METTL15: variants seen among roughly 807,000 people sequenced by gnomAD.
METTL15 encodes the protein methyltransferase 15, mitochondrial 12S rRNA N4-cytidine.
METTL15 carries 34 observed loss-of-function variants against 38.3 expected under a neutral mutation model. The observed-to-expected ratio is 0.89, with a 90% confidence interval of 0.68 to 1.18. METTL15 has a LOEUF of 1.18. METTL15 is among the 50% of genes most tolerant of loss of function. The pLI, the probability that METTL15 is intolerant of heterozygous loss-of-function variation, is 0.00. For synonymous variants in METTL15, 162 were observed against 170.9 expected (o/e 0.95, Z 0.41); for missense variants, 438 against 498.4 (o/e 0.88, Z 1.15).
At chr11:28,507,238 C>G (rs1851635770) in intron 6 of METTL15, among the ~76,000 whole-genome samples, 1 of 152,148 alleles carries the variant, frequency 6.6e-6, no homozygotes, top group Non-Finnish European at 1.5e-5. Context: ...GCTGGGAGGT[C>G]TCAGCAAACT....
At chr11:28,155,909 G>T in intron 3 of METTL15, among the ~76,000 whole-genome samples, 1 of 152,254 alleles carries the variant, frequency 6.6e-6, no homozygotes, top group East Asian at 1.9e-4. Flanking sequence ...CAGGAAGCAG[G>T]CTGTCTCTGT....
intron 5 of METTL15, among the ~76,000 whole-genome samples, chr11:28,400,359 T>C (rs1042098956): frequency 4.6e-5 from 7 of 151,954 alleles, no homozygotes; most frequent in Non-Finnish European, 1.0e-4. Context: ...CACTCAAAGT[T>C]ATTAACATGG....
chr11:28,293,490 G>A (rs1459868841), intron 5 of METTL15, among the ~76,000 whole-genome samples: 3 of 152,216 alleles, frequency 2.0e-5, no homozygotes, highest in Non-Finnish European at 4.4e-5. Context: ...CAGGTAGCGT[G>A]ATGCCTCCAG....
chr11:28,499,388 G>A (rs1318277094), intron 6 of METTL15, among the ~76,000 whole-genome samples: 1 of 152,134 alleles, frequency 6.6e-6, no homozygotes, highest in African/African-American at 2.4e-5. Flanking sequence ...GAAGTCCTTT[G>A]TAACTATGCA....
At chr11:28,295,367 T>C (rs1856692972) in intron 5 of METTL15, among the ~76,000 whole-genome samples, 1 of 152,102 alleles carries the variant, frequency 6.6e-6, no homozygotes, top group Non-Finnish European at 1.5e-5. Flanking sequence ...GGACCAGATC[T>C]TCATCCTGAA....
At chr11:28,338,866 T>C (rs1849924842) in intron 3 of METTL15, among the ~76,000 whole-genome samples, 1 of 152,002 alleles carries the variant, frequency 6.6e-6, no homozygotes, top group Non-Finnish European at 1.5e-5. Flanking sequence ...ACAAAATATT[T>C]TTTGTAAGAA....
At chr11:28,138,105 G>A (rs891169746) in intron 3 of METTL15, among the ~76,000 whole-genome samples, 1 of 139,976 alleles carries the variant, frequency 7.1e-6, no homozygotes, top group Non-Finnish European at 1.5e-5. Context: ...GTTCCATGTG[G>A]AAAACAAGGG....
intron 5 of METTL15, among the ~76,000 whole-genome samples, chr11:28,393,634 T>A (rs1850535816): frequency 6.6e-6 from 1 of 152,096 alleles, no homozygotes; most frequent in Non-Finnish European, 1.5e-5. Flanking sequence ...AGAGTTTTCA[T>A]AGCATGGAGA....
chr11:28,147,505 T>C (rs1346409059), intron 3 of METTL15, among the ~76,000 whole-genome samples: 1 of 151,880 alleles, frequency 6.6e-6, no homozygotes, highest in Non-Finnish European at 1.5e-5. Context: ...TTATAGTATG[T>C]AAAATTAATG....
At chr11:28,504,251 T>A (rs1225428758) in intron 6 of METTL15, among the ~76,000 whole-genome samples, 1 of 150,710 alleles carries the variant, frequency 6.6e-6, no homozygotes, top group Non-Finnish European at 1.5e-5. Flanking sequence ...ATTGCATACT[T>A]AAATGTTCAG....
At chr11:28,312,241 TTGAA>T (rs1471761598) in intron 6 of METTL15, among the ~76,000 whole-genome samples, 29 of 152,214 alleles carry the variant, frequency 1.9e-4, no homozygotes, top group African/African-American at 7.0e-4. Context: ...GTTATGATTG[TTGAA>T]TGGAGATTTC....
At chr11:28,304,378 T>A (rs895214986) in intron 6 of METTL15, among the ~76,000 whole-genome samples, 7 of 152,190 alleles carry the variant, frequency 4.6e-5, no homozygotes, top group African/African-American at 1.7e-4. Context: ...TTTTTCAGCA[T>A]CATTTTGTTA....
chr11:28,522,966 T>G (rs1393504846), intron 6 of METTL15, among the ~76,000 whole-genome samples: 1 of 152,250 alleles, frequency 6.6e-6, no homozygotes, highest in Non-Finnish European at 1.5e-5. Context: ...CCAAGAACTT[T>G]GCGAGGTTCA....
intron 6 of METTL15, among the ~76,000 whole-genome samples, chr11:28,322,212 C>T (rs1312434075): frequency 6.6e-6 from 1 of 151,892 alleles, no homozygotes; most frequent in African/African-American, 2.4e-5. Context: ...AGAAACTCTA[C>T]AAAATTAAAA....
At chr11:28,267,711 A>G (rs1210023739) in intron 4 of METTL15, among the ~76,000 whole-genome samples, 1 of 152,128 alleles carries the variant, frequency 6.6e-6, no homozygotes, top group Non-Finnish European at 1.5e-5. Flanking sequence ...AAACAATATG[A>G]CTCACAGAGG....
At chr11:28,523,163 T>A (rs1041475527) in intron 6 of METTL15, among the ~76,000 whole-genome samples, 4 of 152,164 alleles carry the variant, frequency 2.6e-5, no homozygotes, top group African/African-American at 9.6e-5. Context: ...TATAACTAGT[T>A]AAAACAGCAG....
chr11:28,421,972 A>G (rs766285831), intron 5 of METTL15, among the ~76,000 whole-genome samples: 1 of 152,100 alleles, frequency 6.6e-6, no homozygotes, highest in Non-Finnish European at 1.5e-5. Context: ...ACTATTACTA[A>G]TAAACACATT....
chr11:28,130,635 G>T (rs187950029), intron 3 of METTL15, among the ~76,000 whole-genome samples: 3 of 152,232 alleles, frequency 2.0e-5, no homozygotes, highest in Non-Finnish European at 1.5e-5. Flanking sequence ...TGGATTTGAG[G>T]TGTACATATT....
intron 4 of METTL15, among the ~76,000 whole-genome samples, chr11:28,221,418 C>A (rs1853214751): frequency 6.6e-6 from 1 of 152,144 alleles, no homozygotes; most frequent in South Asian, 2.1e-4. Flanking sequence ...CCATCAGGTT[C>A]TTTAAGGACT....
Sources: gnomAD v4.1 joint callset for allele counts (sites outside exome capture counted in the v4.1 genomes callset) on GRCh38, gnomAD v4.1.1 for gene constraint, MANE v1.5 for transcripts, NCBI Gene and HGNC (gene_info 2026-07-23, HGNC 2026-07-21) for gene names.